Variants in DNAJC1 observed in about 807,000 individuals in gnomAD.
DNAJC1 encodes the protein dnaJ homolog subfamily C member 1.
In DNAJC1, 58 loss-of-function variants were observed where a neutral mutation model predicts 76.6. That is an observed-to-expected ratio of 0.76 (90% confidence interval 0.61 to 0.94). DNAJC1 has a LOEUF of 0.94. DNAJC1 is among the 40% of genes least tolerant of loss of function. The probability of loss-of-function intolerance (pLI) is 0.00; values close to 1 mark genes in which losing one functional copy is unlikely to be tolerated. For missense variants in DNAJC1, 689 were observed against 677.3 expected (o/e 1.02, Z -0.19); for synonymous variants, 258 against 267.9 (o/e 0.96, Z 0.36).
At chr10:21,981,698 A>G (rs556882020) in intron 1 of DNAJC1, among the ~76,000 whole-genome samples, 2 of 152,270 alleles carry the variant, frequency 1.3e-5, no homozygotes, top group Middle Eastern at 6.8e-3. Flanking sequence ...TTTTCAGCAG[A>G]CGGTGCCAGG....
intron 4 of DNAJC1, 118 bp downstream of exon 4, chr10:21,920,680 T>G: frequency 2.4e-6 from 2 of 844,034 alleles, no homozygotes; most frequent in South Asian, 5.8e-5. Context: ...AGTATAAAAC[T>G]ATTAGAATGA....
At chr10:21,939,912 A>ACAG (rs969996364) in intron 1 of DNAJC1, among the ~76,000 whole-genome samples, 3 of 149,234 alleles carry the variant, frequency 2.0e-5, no homozygotes, top group Non-Finnish European at 4.4e-5. Flanking sequence ...AGCAGTCAAC[A>ACAG]CAGCTTTCTC....
intron 1 of DNAJC1, among the ~76,000 whole-genome samples, chr10:21,977,546 A>G (rs1345811007): frequency 6.6e-6 from 1 of 152,204 alleles, no homozygotes; most frequent in Non-Finnish European, 1.5e-5. Flanking sequence ...CTCTATTTAT[A>G]GGCTGAACAC....
At chr10:21,976,595 T>C (rs1464199696) in intron 1 of DNAJC1, among the ~76,000 whole-genome samples, 3 of 152,172 alleles carry the variant, frequency 2.0e-5, no homozygotes, top group Non-Finnish European at 4.4e-5. Context: ...CAGACCATAT[T>C]AGTGGGGGAG....
intron 1 of DNAJC1, among the ~76,000 whole-genome samples, chr10:21,946,275 C>T (rs367718513): frequency 7.3e-5 from 11 of 151,552 alleles, no homozygotes; most frequent in South Asian, 4.2e-4. Flanking sequence ...CTCCTGACCT[C>T]GTGATCTGCC....
intron 9 of DNAJC1, among the ~76,000 whole-genome samples, chr10:21,794,592 T>C (rs866071202): frequency 3.9e-5 from 6 of 152,238 alleles, no homozygotes; most frequent in Middle Eastern, 3.4e-3. Flanking sequence ...TAGACTTAAA[T>C]GTAATATCTA....
chr10:21,808,503 G>A (rs1281694212), intron 8 of DNAJC1, among the ~76,000 whole-genome samples: 1 of 152,052 alleles, frequency 6.6e-6, no homozygotes, highest in Non-Finnish European at 1.5e-5. Flanking sequence ...TATTTTTAAA[G>A]AGGCTCGATA....
intron 6 of DNAJC1, among the ~76,000 whole-genome samples, chr10:21,916,795 T>C (rs1053826934): frequency 6.6e-6 from 1 of 152,150 alleles, no homozygotes; most frequent in Non-Finnish European, 1.5e-5. Context: ...GTTTTGCTAA[T>C]GTATTTCATA....
chr10:21,966,614 G>A (rs572893092), intron 1 of DNAJC1, among the ~76,000 whole-genome samples: 17 of 150,970 alleles, frequency 1.1e-4, no homozygotes, highest in Non-Finnish European at 2.1e-4. Context: ...TATCTAAGTT[G>A]TCCCAGATTT....
intron 8 of DNAJC1, among the ~76,000 whole-genome samples, chr10:21,838,032 C>A (rs1446156169): frequency 1.3e-5 from 2 of 150,472 alleles, no homozygotes; most frequent in Non-Finnish European, 3.0e-5. Context: ...CAGCCGCTGC[C>A]CCGTCCGGGA....
intron 1 of DNAJC1, among the ~76,000 whole-genome samples, chr10:21,954,808 T>C (rs1211447213): frequency 6.6e-6 from 1 of 152,198 alleles, no homozygotes; most frequent in African/African-American, 2.4e-5. Flanking sequence ...TAGGTACTAC[T>C]ATTATTATAA....
chr10:21,823,771 T>C (rs1835197589), intron 8 of DNAJC1, among the ~76,000 whole-genome samples: 1 of 150,538 alleles, frequency 6.6e-6, no homozygotes, highest in South Asian at 2.1e-4. Context: ...AATCCCACAA[T>C]GTTTGAAGAA....
chr10:21,768,805 A>G (rs1188297195), intron 9 of DNAJC1, among the ~76,000 whole-genome samples: 1 of 152,116 alleles, frequency 6.6e-6, no homozygotes, highest in Non-Finnish European at 1.5e-5. Context: ...TCCTTCTTTT[A>G]TCCTAATTCA....
chr10:21,885,366 C>T (rs1400604507), intron 7 of DNAJC1, among the ~76,000 whole-genome samples: 1 of 152,136 alleles, frequency 6.6e-6, no homozygotes, highest in African/African-American at 2.4e-5. Context: ...TAAAAAGAGA[C>T]ACAGACTCAC....
chr10:21,894,134 A>G (rs1225724585), intron 7 of DNAJC1, among the ~76,000 whole-genome samples: 1 of 152,252 alleles, frequency 6.6e-6, no homozygotes, highest in Admixed American at 6.5e-5. Flanking sequence ...AGATATTTAA[A>G]TAGCTCTATA....
chr10:21,882,522 C>G, intron 7 of DNAJC1, 83 bp from the exon 8 acceptor site: 1 of 918,508 alleles, frequency 1.1e-6, no homozygotes, highest in Non-Finnish European at 1.5e-6. Context: ...AGACCATATC[C>G]TGAAAGAAAA....
At chr10:21,841,531 T>C (rs2131679570) in intron 8 of DNAJC1, among the ~76,000 whole-genome samples, 1 of 152,148 alleles carries the variant, frequency 6.6e-6, no homozygotes, top group Non-Finnish European at 1.5e-5. Context: ...ATCAGAGAAA[T>C]GCAAATCAAA....
chr10:21,938,147 T>C lies in DNAJC1; in HGVS notation c.223-9006A>G, dbSNP rs563819009. ...GAAGATTTTAATTCATTAATGTTAA[T>C]AGTTAATCATAACTATTTTTTCTAA... On this transcript the variant is annotated intron_variant, in intron 1 of 11. Transcript: ENST00000376980. Among the ~76,000 whole-genome samples the C allele has an allele frequency of 2.6e-5, 4 of 152,290 alleles. No homozygotes were observed. The South Asian group carries it at 6.2e-4, about 24-fold the overall frequency.
intron 1 of DNAJC1, among the ~76,000 whole-genome samples, chr10:21,975,001 T>G (rs113879902): frequency 1.3e-5 from 2 of 152,210 alleles, no homozygotes; most frequent in African/African-American, 4.8e-5. Context: ...TATGAATATA[T>G]ATACACAGAT....
Sources: allele counts gnomAD v4.1 joint callset (sites outside exome capture counted in the v4.1 genomes callset), GRCh38; gene constraint gnomAD v4.1.1; transcripts MANE v1.5; gene names NCBI Gene and HGNC (gene_info 2026-07-23, HGNC 2026-07-21).